The following ERBB4 variants were observed in gnomAD, a reference collection of about 807,000 sequenced individuals.
ERBB4 encodes receptor tyrosine-protein kinase erbB-4.
A neutral mutation model predicts 158.0 loss-of-function variants in ERBB4; 42 were observed. The observed-to-expected ratio is 0.27, with a 90% CI of 0.21 to 0.34. The LOEUF (loss-of-function observed/expected upper bound fraction) is 0.34. Among genes scored for constraint, ERBB4 ranks in the 10% least tolerant of loss-of-function variants. The pLI is 1.00. For missense variants in ERBB4, 1,333 were observed against 1,624.1 expected (o/e 0.82, Z 3.08); for synonymous variants, 583 against 558.7 (o/e 1.04, Z -0.61).
intron 20 of ERBB4, among the ~76,000 whole-genome samples, chr2:211,557,124 T>A (rs748965569): frequency 6.6e-5 from 10 of 152,098 alleles, no homozygotes; most frequent in Non-Finnish European, 8.8e-5. Flanking sequence ...TCCAGATAAC[T>A]TAAAGATTGC....
intron 1 of ERBB4, among the ~76,000 whole-genome samples, chr2:212,476,886 C>G (rs1689432778): frequency 6.6e-6 from 1 of 151,960 alleles, no homozygotes; most frequent in Admixed American, 6.6e-5. Flanking sequence ...AAGACAATAC[C>G]ACTCTAGCAG....
At chr2:211,954,652 G>T (rs1482832384) in intron 2 of ERBB4, among the ~76,000 whole-genome samples, 1 of 152,016 alleles carries the variant, frequency 6.6e-6, no homozygotes, top group East Asian at 1.9e-4. Flanking sequence ...AACTATGGTG[G>T]TAAGAGGGGG....
rs1171373738 is a variant in ERBB4 at position 212,471,937 on chromosome 2, T to C, written c.82+66512A>G. Among the ~76,000 whole-genome samples, 18 of 151,874 alleles carry C rather than the reference T, an allele frequency of 1.2e-4. 1 individual carries two copies. The highest frequency in any genetic ancestry group is 1.5e-5 in the Non-Finnish European group (1 of 67,788). On this transcript the variant is annotated intron_variant, in intron 1 of 27. Coordinates refer to ENST00000342788, the MANE Select transcript of ERBB4 (RefSeq NM_005235.3). Reference sequence around the variant, plus strand: ...TGTTTGTCACCTCCTCTGACTCAAATTAGGGGCAATGTCACAAGTACTTGA... The same window carrying C: ...TGTTTGTCACCTCCTCTGACTCAAACTAGGGGCAATGTCACAAGTACTTGA...
intron 1 of ERBB4, among the ~76,000 whole-genome samples, chr2:212,187,663 A>G (rs2082055206): frequency 1.3e-5 from 2 of 152,148 alleles, no homozygotes; most frequent in African/African-American, 4.8e-5. Context: ...TAATTTGTAG[A>G]ATTAATGGCA....
chr2:211,987,477 A>T (rs1164060755), intron 2 of ERBB4, among the ~76,000 whole-genome samples: 1 of 152,084 alleles, frequency 6.6e-6, no homozygotes, highest in African/African-American at 2.4e-5. Flanking sequence ...CTCAATGTTC[A>T]GGTTAAACGA....
At chr2:212,495,593 T>C (rs1377679209) in intron 1 of ERBB4, among the ~76,000 whole-genome samples, 1 of 152,172 alleles carries the variant, frequency 6.6e-6, no homozygotes, top group Non-Finnish European at 1.5e-5. Context: ...TTGGCCCCAA[T>C]AGAAATGTAC....
chr2:211,616,956 A>G (rs1038258049), intron 19 of ERBB4, among the ~76,000 whole-genome samples: 2 of 152,102 alleles, frequency 1.3e-5, no homozygotes, highest in African/African-American at 4.8e-5. Flanking sequence ...GCTCAACCAG[A>G]GCCTCATCTA....
chr2:211,885,085 G>GT (rs1376931722), intron 3 of ERBB4, among the ~76,000 whole-genome samples: 5 of 152,034 alleles, frequency 3.3e-5, no homozygotes, highest in African/African-American at 1.2e-4. Flanking sequence ...ATTACTGTAT[G>GT]TTTGGCTTTT....
intron 2 of ERBB4, among the ~76,000 whole-genome samples, chr2:211,970,334 G>C (rs764434047): frequency 1.3e-5 from 2 of 152,168 alleles, no homozygotes; most frequent in Non-Finnish European, 2.9e-5. Context: ...TAATTGCCAT[G>C]TGGCAATGAG....
At chr2:211,835,076 T>C (rs1204065569) in intron 3 of ERBB4, among the ~76,000 whole-genome samples, 2 of 152,112 alleles carry the variant, frequency 1.3e-5, no homozygotes, top group East Asian at 3.9e-4. Context: ...CTTAATATTT[T>C]TAGGGAAAGA....
chr2:211,420,850 A>G (rs1445123699), intron 24 of ERBB4, among the ~76,000 whole-genome samples: 1 of 152,064 alleles, frequency 6.6e-6, no homozygotes, highest in African/African-American at 2.4e-5. Flanking sequence ...CCATTAGAGA[A>G]TAATAAAGCA....
At chr2:211,957,158 C>T (rs1185545679) in intron 2 of ERBB4, among the ~76,000 whole-genome samples, 1 of 152,050 alleles carries the variant, frequency 6.6e-6, no homozygotes, top group Non-Finnish European at 1.5e-5. Context: ...CGCTGAAGTC[C>T]TAACCCATAC....
At chr2:212,255,429 T>A (rs1482362407) in intron 1 of ERBB4, among the ~76,000 whole-genome samples, 1 of 152,186 alleles carries the variant, frequency 6.6e-6, no homozygotes, top group African/African-American at 2.4e-5. Context: ...CTGCCAATTA[T>A]GTTTGTTGTA....
At chr2:211,431,357 T>C (rs1185697157) in intron 20 of ERBB4, among the ~76,000 whole-genome samples, 1 of 152,216 alleles carries the variant, frequency 6.6e-6, no homozygotes, top group Non-Finnish European at 1.5e-5. Flanking sequence ...TCATTATTTT[T>C]CCAAGTGACT....
chr2:211,651,592 C>T (rs1397677437), intron 16 of ERBB4, among the ~76,000 whole-genome samples: 1 of 150,726 alleles, frequency 6.6e-6, no homozygotes, highest in Non-Finnish European at 1.5e-5. Flanking sequence ...GACTTAATTC[C>T]ATGAGCCTTC....
chr2:212,496,910 T>C (rs74690816), intron 1 of ERBB4, among the ~76,000 whole-genome samples: 14,386 of 152,152 alleles, frequency 0.095, 750 homozygotes, highest in Non-Finnish European at 0.11. Context: ...CCAGGTGAGG[T>C]GGTTCACTCC....
At chr2:211,835,967 T>C (rs757195810) in intron 3 of ERBB4, among the ~76,000 whole-genome samples, 1 of 152,034 alleles carries the variant, frequency 6.6e-6, no homozygotes, top group Non-Finnish European at 1.5e-5. Context: ...GGGAAGAGTA[T>C]ACAAGACACA....
chr2:212,252,102 A>G (rs56388911), intron 1 of ERBB4, among the ~76,000 whole-genome samples: 32,892 of 152,006 alleles, frequency 0.22, 4,301 homozygotes, highest in Non-Finnish European at 0.28. Context: ...AGAAAAGGTC[A>G]AAGATACGTT....
At chr2:211,888,680 C>T (rs1169693634) in intron 3 of ERBB4, among the ~76,000 whole-genome samples, 5 of 152,022 alleles carry the variant, frequency 3.3e-5, no homozygotes, top group African/African-American at 1.2e-4. Context: ...GGGCGCAGGC[C>T]AGTGGGTGCG....
Sources: allele counts gnomAD v4.1 joint callset (sites outside exome capture counted in the v4.1 genomes callset), GRCh38; gene constraint gnomAD v4.1.1; transcripts MANE v1.5; gene names NCBI Gene and HGNC (gene_info 2026-07-23, HGNC 2026-07-21).